Variants in CHLSN observed in about 807,000 individuals in gnomAD.
The protein encoded by CHLSN is protein cholesin.
the CHLSN span, among the ~76,000 whole-genome samples, chr7:980,201 G>A: frequency 1.3e-5 from 2 of 152,216 alleles, no homozygotes; most frequent in African/African-American, 2.4e-5. Flanking sequence ...CAGCCCCTCC[G>A]GGGGAGCCCA....
chr7:1,127,503 G>T, the CHLSN span: 1 of 996,850 alleles, frequency 1.0e-6, no homozygotes, highest in Non-Finnish European at 1.4e-6. Context: ...AGAGTATTAT[G>T]GAAAACATAT....
At chr7:1,098,654 G>T in the CHLSN span, among the ~76,000 whole-genome samples, 9 of 146,770 alleles carry the variant, frequency 6.1e-5, no homozygotes, top group East Asian at 1.8e-3. Context: ...AAGCAGACAC[G>T]AGTGGAGCTG....
the CHLSN span, among the ~76,000 whole-genome samples, chr7:1,049,555 C>T: frequency 2.0e-4 from 30 of 152,298 alleles, no homozygotes; most frequent in African/African-American, 7.2e-4. Context: ...CCACTTCCTT[C>T]CTAGGAAGAC....
the CHLSN span, among the ~76,000 whole-genome samples, chr7:1,011,440 C>CA: frequency 6.9e-6 from 1 of 143,930 alleles, no homozygotes; most frequent in Non-Finnish European, 1.5e-5. Context: ...CACCCACACA[C>CA]CCAAACACGC....
chr7:1,092,035 G>A, the CHLSN span: 2 of 1,614,060 alleles, frequency 1.2e-6, no homozygotes, highest in South Asian at 1.1e-5. Flanking sequence ...CAACCTGGCG[G>A]TGGCGGACCT....
the CHLSN span, among the ~76,000 whole-genome samples, chr7:979,522 TG>T: frequency 2.5e-3 from 386 of 152,122 alleles, 3 homozygotes; most frequent in African/African-American, 8.4e-3. Context: ...GTGGCCACGG[TG>T]GGCGGATCAT....
chr7:1,053,027 G>A, the CHLSN span, among the ~76,000 whole-genome samples: 9 of 152,362 alleles, frequency 5.9e-5, no homozygotes, highest in African/African-American at 2.2e-4. Context: ...GAAGTCAGCA[G>A]AGTGCATGGC....
chr7:1,076,973 C>T, the CHLSN span, among the ~76,000 whole-genome samples: 1 of 152,388 alleles, frequency 6.6e-6, no homozygotes, highest in East Asian at 1.9e-4. Flanking sequence ...CAGTCCGGAG[C>T]TCCTGCTGTT....
the CHLSN span, among the ~76,000 whole-genome samples, chr7:1,132,549 C>T: frequency 6.6e-6 from 1 of 152,020 alleles, no homozygotes; most frequent in Non-Finnish European, 1.5e-5. Context: ...AAAAAATTAG[C>T]TGGGCATGGT....
At chr7:1,028,332 G>C in the CHLSN span, 2 of 1,024,158 alleles carry the variant, frequency 2.0e-6, no homozygotes, top group Non-Finnish European at 2.3e-6. Context: ...CGCACCGCCC[G>C]GCCCGCGCCT....
At chr7:1,082,908 C>G in the CHLSN span, among the ~76,000 whole-genome samples, 2 of 152,208 alleles carry the variant, frequency 1.3e-5, no homozygotes, top group Non-Finnish European at 2.9e-5. Flanking sequence ...CGATGTCTTA[C>G]GTTCAAACAG....
the CHLSN span, among the ~76,000 whole-genome samples, chr7:1,097,027 C>A: frequency 1.3e-5 from 2 of 152,232 alleles, no homozygotes; most frequent in Non-Finnish European, 2.9e-5. The surrounding 1 kb of genome is among the most constrained non-coding windows in gnomAD (Gnocchi z 4.3). Context: ...GCTCTCCCAG[C>A]AGAGGCGGGA....
At chr7:1,041,330 G>GGGGTCCGCGCCGCGGGGAACGGGA in the CHLSN span, among the ~76,000 whole-genome samples, 1 of 65,932 alleles carries the variant, frequency 1.5e-5, no homozygotes, top group Non-Finnish European at 3.1e-5. Flanking sequence ...GGGGAAGGGG[G>GGGGTCCGCGCCGCGGGGAACGGGA]CCTGGGGTCC....
At chr7:1,023,188 C>T in the CHLSN span, among the ~76,000 whole-genome samples, 16 of 152,320 alleles carry the variant, frequency 1.1e-4, no homozygotes, top group African/African-American at 3.6e-4. This position sits in a 1 kb window ranked among gnomAD's most constrained non-coding sequence, Gnocchi z 5.0. Flanking sequence ...CACAGACGAG[C>T]AGATGTGGGC....
At chr7:1,038,215 GC>G in the CHLSN span, among the ~76,000 whole-genome samples, 4 of 84,410 alleles carry the variant, frequency 4.7e-5, no homozygotes, top group Non-Finnish European at 7.8e-5. Flanking sequence ...TGGGGGGTCA[GC>G]CCCCCCGACC....
At chr7:1,088,187 C>T in the CHLSN span, 1 of 152,294 alleles carries the variant, frequency 6.6e-6, no homozygotes, top group Non-Finnish European at 1.5e-5. This position sits in a 1 kb window ranked among gnomAD's most constrained non-coding sequence, Gnocchi z 4.5. Context: ...CGGGTCTCTT[C>T]CTCTCTCTAG....
the CHLSN span, among the ~76,000 whole-genome samples, chr7:1,070,481 AC>A: frequency 2.0e-5 from 3 of 151,906 alleles, no homozygotes; most frequent in African/African-American, 7.3e-5. Context: ...GCACATACGC[AC>A]ACGGGCACAC....
At chr7:986,956 G>T in the CHLSN span, 1 of 1,310,298 alleles carries the variant, frequency 7.6e-7, no homozygotes, top group Non-Finnish European at 1.0e-6. Flanking sequence ...CTGTGAAACG[G>T]GGCATCCATA....
the CHLSN span, chr7:1,058,029 T>C: frequency 1.2e-5 from 9 of 769,346 alleles, no homozygotes; most frequent in Non-Finnish European, 1.9e-5. Context: ...CAGCCATGTG[T>C]CCACCCGCGC....
Sources: gnomAD v4.1 joint callset for allele counts (sites outside exome capture counted in the v4.1 genomes callset) on GRCh38, gnomAD v4.1.1 for gene constraint, Gnocchi (gnomAD v3.1) non-coding constraint, MANE v1.5 for transcripts, NCBI Gene and HGNC (gene_info 2026-07-23, HGNC 2026-07-21) for gene names.